The following ZFHX3 variants were observed in gnomAD, a reference collection of about 807,000 sequenced individuals.
The protein encoded by ZFHX3 is zinc finger homeobox 3.
A neutral mutation model predicts 279.1 loss-of-function variants in ZFHX3; 42 were observed. The observed-to-expected ratio is 0.15, with a 90% confidence interval of 0.12 to 0.19. The LOEUF (loss-of-function observed/expected upper bound fraction) is 0.19. ZFHX3 is among the 10% of genes least tolerant of loss of function. The pLI, the probability that ZFHX3 is intolerant of heterozygous loss-of-function variation, is 1.00. For missense variants in ZFHX3, 4,981 were observed against 4,754.0 expected, an observed-to-expected ratio of 1.05 and a Z score of -1.40; for synonymous variants, 2,293 against 1,957.8, an observed-to-expected ratio of 1.17 and a Z score of -4.52.
At chr16:73,160,196 A>C (rs1269713331) in intron 5 of ZFHX3, among the ~76,000 whole-genome samples, 5 of 152,216 alleles carry the variant, frequency 3.3e-5, no homozygotes, top group Non-Finnish European at 7.3e-5. Context: ...CAAACTAGAA[A>C]ACCTAGAAAA....
Position 73,724,540 on chromosome 16 carries a change from G to C in ZFHX3, c.-1607-44300C>G, listed in dbSNP as rs114739441. 2.2e-3 allele frequency among the ~76,000 whole-genome samples: 336 copies of C among 152,264 alleles called. 2 individuals are homozygous for C. Among genetic ancestry groups the C allele is most frequent in the African/African-American group, 7.6e-3 (315 of 41,550 alleles). On this transcript the variant is annotated intron_variant, in intron 1 of 17. Coordinates refer to the ZFHX3 transcript ENST00000641206. ...TGTCTGGCCTAACTTGCTCACTTTT[G>C]TTATTTGCCCAGCCTTGGTAGGCAT...
At chr16:73,712,534 A>T (rs2053373302) in intron 1 of ZFHX3, among the ~76,000 whole-genome samples, 1 of 152,210 alleles carries the variant, frequency 6.6e-6, no homozygotes, top group South Asian at 2.1e-4. Flanking sequence ...TTGGAGGGAC[A>T]TGCCTACCTC....
intron 1 of ZFHX3, among the ~76,000 whole-genome samples, chr16:73,873,787 G>A (rs951303425): frequency 2.0e-5 from 3 of 152,206 alleles, no homozygotes; most frequent in African/African-American, 4.8e-5. Flanking sequence ...TGTGGCTCAC[G>A]TGACTAAATA....
intron 1 of ZFHX3, among the ~76,000 whole-genome samples, chr16:73,041,017 C>T (rs1460610309): frequency 1.3e-5 from 2 of 152,230 alleles, no homozygotes; most frequent in Admixed American, 6.5e-5. Context: ...GCAGAGGCCA[C>T]CTTTCCAAAG....
At chr16:73,600,563 G>A (rs572551791) in intron 2 of ZFHX3, among the ~76,000 whole-genome samples, 66 of 151,862 alleles carry the variant, frequency 4.3e-4, no homozygotes, top group African/African-American at 1.3e-3. Context: ...GACTACAGGC[G>A]CCCGCCACCA....
At chr16:73,726,349 T>C (rs929078945) in intron 1 of ZFHX3, among the ~76,000 whole-genome samples, 2 of 152,032 alleles carry the variant, frequency 1.3e-5, no homozygotes, top group African/African-American at 4.8e-5. Context: ...TGCATGGAAG[T>C]GGTTTAAGGT....
At chr16:72,859,798 G>C (rs16971338) in intron 4 of ZFHX3, among the ~76,000 whole-genome samples, 4,800 of 152,096 alleles carry the variant, frequency 0.032, 137 homozygotes, top group East Asian at 0.078. Context: ...GTCACTTCTG[G>C]TAATGGCCTT....
chr16:73,820,037 T>A (rs1342353992), intron 1 of ZFHX3, among the ~76,000 whole-genome samples: 1 of 152,140 alleles, frequency 6.6e-6, no homozygotes. Flanking sequence ...TGAATCTGGG[T>A]GGCCATGTCT....
chr16:73,252,170 G>T (rs2013529751), intron 5 of ZFHX3, among the ~76,000 whole-genome samples: 1 of 152,180 alleles, frequency 6.6e-6, no homozygotes, highest in South Asian at 2.1e-4. Context: ...AGTATAAAAT[G>T]CAGGGCTACT....
rs1425958360 is a variant in ZFHX3, at chr16:73,613,462, G to A, written c.-1547+66718C>T. ...GCTTTTTTTGTTTGTTTGTTTTTTG[G>A]ATGTGAGGCAGAAGTCTGAGATTCA... On this transcript the variant is annotated intron_variant, in intron 2 of 17. Transcript: ENST00000641206. 2.7e-5 allele frequency among the ~76,000 whole-genome samples: 4 copies of A among 150,798 alleles called. No homozygotes were observed. In the East Asian group the frequency reaches 5.8e-4, roughly 22 times the overall value.
chr16:73,341,296 G>T (rs751841422), intron 3 of ZFHX3, among the ~76,000 whole-genome samples: 2 of 152,072 alleles, frequency 1.3e-5, no homozygotes, highest in African/African-American at 4.8e-5. Context: ...AGCTGAGGTC[G>T]CAACACTGTA....
chr16:73,014,616 C>T (rs1308244528), intron 1 of ZFHX3: 1 of 147,514 alleles, frequency 6.8e-6, no homozygotes, highest in Non-Finnish European at 1.5e-5. Context: ...CAACCTCCGA[C>T]TCCCTGCTTC....
At chr16:73,601,469 CA>C (rs67967322) in intron 2 of ZFHX3, among the ~76,000 whole-genome samples, 74,708 of 131,490 alleles carry the variant, frequency 0.57, 23,436 homozygotes, top group Middle Eastern at 0.81. Context: ...GACTCCATCT[CA>C]AAAAAAAAAA....
intron 5 of ZFHX3, among the ~76,000 whole-genome samples, chr16:73,199,886 T>C (rs1968230653): frequency 6.6e-6 from 1 of 152,238 alleles, no homozygotes; most frequent in Non-Finnish European, 1.5e-5. Flanking sequence ...CAGAGTTTTA[T>C]AGATTGGCAG....
chr16:72,841,060 A>G (rs1366969980), intron 4 of ZFHX3, among the ~76,000 whole-genome samples: 2 of 152,222 alleles, frequency 1.3e-5, no homozygotes, highest in Non-Finnish European at 2.9e-5. Flanking sequence ...GAACACCCGG[A>G]GTGGCCAAGA....
intron 4 of ZFHX3, among the ~76,000 whole-genome samples, chr16:72,857,356 G>T (rs937285152): frequency 2.0e-5 from 3 of 152,154 alleles, no homozygotes; most frequent in African/African-American, 7.2e-5. Flanking sequence ...ACAAGGACAG[G>T]AAGTTCCTCC....
chr16:73,442,087 G>A (rs1308033140), intron 3 of ZFHX3, among the ~76,000 whole-genome samples: 2 of 152,176 alleles, frequency 1.3e-5, no homozygotes, highest in African/African-American at 2.4e-5. Context: ...ACCAAGACCT[G>A]AAGAAGGGAG....
intron 1 of ZFHX3, among the ~76,000 whole-genome samples, chr16:73,798,141 A>G (rs1485864847): frequency 6.6e-6 from 1 of 152,122 alleles, no homozygotes; most frequent in Non-Finnish European, 1.5e-5. Context: ...TAAGGTAGTA[A>G]TAACACTGTT....
chr16:73,035,194 TA>T (rs548059409), intron 1 of ZFHX3, among the ~76,000 whole-genome samples: 1 of 152,250 alleles, frequency 6.6e-6, no homozygotes, highest in Non-Finnish European at 1.5e-5. Flanking sequence ...ATAGTTTTAT[TA>T]ATATTGATTA....
Sources: gnomAD v4.1 joint callset for allele counts (sites outside exome capture counted in the v4.1 genomes callset) on GRCh38, gnomAD v4.1.1 for gene constraint, MANE v1.5 for transcripts, NCBI Gene and HGNC (gene_info 2026-07-23, HGNC 2026-07-21) for gene names.